IL1RAPL1: variants seen among roughly 807,000 people sequenced by gnomAD.
The protein encoded by IL1RAPL1 is interleukin-1 receptor accessory protein-like 1.
In IL1RAPL1, 3 loss-of-function variants were observed where a neutral mutation model predicts 48.4. The observed-to-expected ratio is 0.06, with a 90% CI of 0.03 to 0.16. The LOEUF (loss-of-function observed/expected upper bound fraction) is 0.16. Among genes scored for constraint, IL1RAPL1 ranks in the 10% least tolerant of loss-of-function variants. IL1RAPL1 has a pLI of 1.00. For synonymous variants in IL1RAPL1, 185 were observed against 187.7 expected (o/e 0.99, Z 0.12); for missense variants, 349 against 530.6 (o/e 0.66, Z 3.36).
Position 29,657,628 on chromosome X carries a change from C to T in IL1RAPL1, c.704-10802C>T, listed in dbSNP as rs571322432. On this transcript the variant is annotated intron_variant, in intron 5 of 10. Coordinates refer to ENST00000378993, the MANE Select transcript of IL1RAPL1 (RefSeq NM_014271.4). Reference sequence around the variant, plus strand: ...TGCCTTTTTTGTGTTCCAAAATTTTCTTTTGATAAGCATTTCTAAATAACT... The same window carrying T: ...TGCCTTTTTTGTGTTCCAAAATTTTTTTTTGATAAGCATTTCTAAATAACT... 3.9e-4 allele frequency among the ~76,000 whole-genome samples: 44 copies of T among 111,593 alleles called. No individual in the cohort carries two copies. In the South Asian group the frequency reaches 0.016, roughly 41 times the overall value.
chrX:28,610,274 T>A (rs4893552), intron 1 of IL1RAPL1, among the ~76,000 whole-genome samples: 51,764 of 110,716 alleles, frequency 0.47, 8,772 homozygotes, highest in East Asian at 0.62. Flanking sequence ...TACAGCAGGC[T>A]TCTGGGACAT....
chrX:29,490,852 G>GTATA lies in IL1RAPL1; in HGVS notation c.703+91554_703+91557dup, dbSNP rs753856512. Reference sequence around the variant, plus strand: ...CTGAGGTATGTGTGTGTGTGTGTGTGTATATATATATATTCTGAGTGTGTA... The same window carrying GTATA: ...CTGAGGTATGTGTGTGTGTGTGTGTGTATATATATATATATATTCTGAGTGTGTA... On this transcript the variant is annotated intron_variant, in intron 5 of 10. Transcript: ENST00000378993. Among the ~76,000 whole-genome samples, 653 of 93,582 alleles carry GTATA rather than the reference G, an allele frequency of 7.0e-3. 3 individuals are homozygous for GTATA. Among genetic ancestry groups the GTATA allele is most frequent in the Middle Eastern group, 0.015 (3 of 195 alleles). The allele number at this position is 93,582 out of a possible 115,157, so 81.3% of individuals were successfully genotyped here.
At chrX:29,954,257 A>G (rs1245193522) in intron 9 of IL1RAPL1, among the ~76,000 whole-genome samples, 11 of 102,029 alleles carry the variant, frequency 1.1e-4, no homozygotes, top group Non-Finnish European at 6.1e-5. Flanking sequence ...AAAAAAAAAA[A>G]AAAAAAGGAA....
chrX:28,690,046 C>T (rs1433539812), intron 1 of IL1RAPL1, among the ~76,000 whole-genome samples: 1 of 111,160 alleles, frequency 9.0e-6, no homozygotes, highest in Non-Finnish European at 1.9e-5. Context: ...TTTCATAGGC[C>T]TTTTTGCTCT....
chrX:29,686,509 C>T, intron 6 of IL1RAPL1, among the ~76,000 whole-genome samples: 1 of 106,022 alleles, frequency 9.4e-6, no homozygotes, highest in South Asian at 4.4e-4. Flanking sequence ...TTCCTTGATC[C>T]CCTGCCTCCC....
chrX:29,721,885 T>G (rs1927645836), intron 6 of IL1RAPL1, among the ~76,000 whole-genome samples: 1 of 112,160 alleles, frequency 8.9e-6, no homozygotes, highest in African/African-American at 3.2e-5. Context: ...CTTAAAAGAA[T>G]TCAGTAATTG....
chrX:29,381,137 A>G (rs1933691866), intron 3 of IL1RAPL1, among the ~76,000 whole-genome samples: 1 of 110,687 alleles, frequency 9.0e-6, no homozygotes, highest in African/African-American at 3.3e-5. Flanking sequence ...AGTGTTGAGA[A>G]AGAAGTGAGT....
intron 2 of IL1RAPL1, among the ~76,000 whole-genome samples, chrX:28,980,599 CT>C (rs1925306159): frequency 8.9e-6 from 1 of 111,835 alleles, no homozygotes; most frequent in Non-Finnish European, 1.9e-5. Flanking sequence ...GTAGATTTGA[CT>C]TTTTAAGTGA....
chrX:29,367,401 G>T (rs1196602874), intron 3 of IL1RAPL1, among the ~76,000 whole-genome samples: 1 of 110,962 alleles, frequency 9.0e-6, no homozygotes, highest in Admixed American at 9.7e-5. Context: ...GAAGAATATT[G>T]TCTGGCAAAT....
intron 3 of IL1RAPL1, among the ~76,000 whole-genome samples, chrX:29,374,591 G>C (rs1239038229): frequency 1.8e-5 from 2 of 109,585 alleles, no homozygotes; most frequent in Non-Finnish European, 3.8e-5. Context: ...ATGAATGAAG[G>C]AGATGCCGTA....
intron 2 of IL1RAPL1, among the ~76,000 whole-genome samples, chrX:28,813,733 A>T (rs1056104671): frequency 9.0e-6 from 1 of 110,544 alleles, no homozygotes; most frequent in African/African-American, 3.3e-5. Flanking sequence ...CATGTTTAGG[A>T]TTGTAATGTC....
intron 6 of IL1RAPL1, among the ~76,000 whole-genome samples, chrX:29,669,101 ACTTAT>A (rs1304184482): frequency 1.8e-5 from 2 of 111,416 alleles, no homozygotes; most frequent in African/African-American, 6.5e-5. Flanking sequence ...CAGAATTCTG[ACTTAT>A]CTTAGAGGTT....
intron 1 of IL1RAPL1, among the ~76,000 whole-genome samples, chrX:28,652,415 T>C (rs1260010964): frequency 8.9e-6 from 1 of 111,946 alleles, no homozygotes; most frequent in African/African-American, 3.2e-5. Flanking sequence ...GTACTTTATA[T>C]TGGAAAGCAA....
intron 5 of IL1RAPL1, among the ~76,000 whole-genome samples, chrX:29,607,724 T>C (rs1383671796): frequency 8.9e-6 from 1 of 112,224 alleles, no homozygotes; most frequent in African/African-American, 3.2e-5. Context: ...CTGGCTGATA[T>C]TTGTTTTACT....
chrX:29,327,346 A>T (rs926394176), intron 3 of IL1RAPL1, among the ~76,000 whole-genome samples: 1 of 109,742 alleles, frequency 9.1e-6, no homozygotes, highest in African/African-American at 3.3e-5. Flanking sequence ...TGAAATATAT[A>T]TTCTTAATAA....
intron 1 of IL1RAPL1, among the ~76,000 whole-genome samples, chrX:28,686,257 A>G (rs1935109204): frequency 8.9e-6 from 1 of 112,113 alleles, no homozygotes; most frequent in African/African-American, 3.2e-5. Flanking sequence ...AAGACTTCTG[A>G]AGGTATTTAA....
chrX:29,777,061 C>A (rs1929216377), intron 6 of IL1RAPL1, among the ~76,000 whole-genome samples: 1 of 111,808 alleles, frequency 8.9e-6, no homozygotes, highest in Admixed American at 9.5e-5. Flanking sequence ...TTGTTGAATC[C>A]TTCTCTAATT....
Position 29,893,948 on chromosome X carries a change from C to T in IL1RAPL1, c.779-23516C>T, listed in dbSNP as rs760048644. Among the ~76,000 whole-genome samples, 278 of 111,868 alleles carry T rather than the reference C, an allele frequency of 2.5e-3. 1 individual carries two copies. Among genetic ancestry groups the T allele is most frequent in the Non-Finnish European group, 3.4e-3 (181 of 53,169 alleles). ...TTGTAAATATGTCCCAATGGTCCTA[C>T]GTACTCTGGAATGTGGGGGAAACCA... On this transcript the variant is annotated intron_variant, in intron 6 of 10. Transcript: ENST00000378993.
intron 2 of IL1RAPL1, among the ~76,000 whole-genome samples, chrX:29,063,802 A>G (rs892240898): frequency 1.8e-5 from 2 of 112,123 alleles, no homozygotes; most frequent in Non-Finnish European, 3.8e-5. Flanking sequence ...TGGTTCTGAC[A>G]TATTTTTAAA....
Sources: allele counts gnomAD v4.1 joint callset (sites outside exome capture counted in the v4.1 genomes callset), GRCh38; gene constraint gnomAD v4.1.1; transcripts MANE v1.5; gene names NCBI Gene and HGNC (gene_info 2026-07-23, HGNC 2026-07-21).